SAMTOR: variants seen among roughly 807,000 people sequenced by gnomAD.
The protein encoded by SAMTOR is S-adenosylmethionine sensor upstream of mTORC1, also known as UPF0532 protein C7orf60.
chr7:112,854,914 C>T, the SAMTOR span, among the ~76,000 whole-genome samples: 3 of 152,146 alleles, frequency 2.0e-5, no homozygotes, highest in African/African-American at 7.2e-5. Flanking sequence ...AAGATCTTAG[C>T]TATGGCTTTT....
chr7:112,856,559 T>C, the SAMTOR span, among the ~76,000 whole-genome samples: 6 of 152,194 alleles, frequency 3.9e-5, no homozygotes, highest in East Asian at 9.6e-4. Flanking sequence ...AAGAAGCAAA[T>C]ACCAGCTTAG....
chr7:112,938,786 AG>A, the SAMTOR span, among the ~76,000 whole-genome samples: 1 of 152,344 alleles, frequency 6.6e-6, no homozygotes, highest in East Asian at 1.9e-4. Context: ...CTTCAGGCAC[AG>A]GCAAAAGCCA....
the SAMTOR span, among the ~76,000 whole-genome samples, chr7:112,854,580 T>C: frequency 6.6e-6 from 1 of 152,324 alleles, no homozygotes; most frequent in East Asian, 1.9e-4. Flanking sequence ...CTTTAGTCAA[T>C]AGGTCAATGA....
chr7:112,913,566 C>T, the SAMTOR span, among the ~76,000 whole-genome samples: 1 of 152,110 alleles, frequency 6.6e-6, no homozygotes, highest in Non-Finnish European at 1.5e-5. Context: ...TAATAAAATC[C>T]TGTCACTTCT....
chr7:112,868,387 T>G, the SAMTOR span, among the ~76,000 whole-genome samples: 1 of 152,160 alleles, frequency 6.6e-6, no homozygotes. Context: ...AAGCCAGCAA[T>G]CCTCGTGAAG....
the SAMTOR span, among the ~76,000 whole-genome samples, chr7:112,933,230 C>T: frequency 3.3e-5 from 5 of 152,178 alleles, no homozygotes; most frequent in Non-Finnish European, 5.9e-5. Flanking sequence ...ACAGCAAAGT[C>T]TCCACTTAAT....
chr7:112,910,974 C>A, the SAMTOR span, among the ~76,000 whole-genome samples: 1 of 152,104 alleles, frequency 6.6e-6, no homozygotes, highest in Admixed American at 6.5e-5. Context: ...CAGACAAGCA[C>A]AAGTCCTTCC....
chr7:112,907,005 T>TG, the SAMTOR span, among the ~76,000 whole-genome samples: 1 of 152,052 alleles, frequency 6.6e-6, no homozygotes, highest in African/African-American at 2.4e-5. Flanking sequence ...AAAGTACATG[T>TG]GGAAAAAAGC....
At chr7:112,922,910 C>A in the SAMTOR span, among the ~76,000 whole-genome samples, 2 of 149,250 alleles carry the variant, frequency 1.3e-5, no homozygotes, top group Non-Finnish European at 3.0e-5. Context: ...CCGGGCCAGC[C>A]GCCCCATCCG....
chr7:112,871,692 A>T, the SAMTOR span, among the ~76,000 whole-genome samples: 2 of 152,204 alleles, frequency 1.3e-5, no homozygotes, highest in African/African-American at 4.8e-5. Context: ...TCAAGAACAA[A>T]AAACCATACA....
At chr7:112,911,272 CT>C in the SAMTOR span, among the ~76,000 whole-genome samples, 1 of 152,102 alleles carries the variant, frequency 6.6e-6, no homozygotes, top group Non-Finnish European at 1.5e-5. Flanking sequence ...AAACATTAGG[CT>C]TATGTCCTGC....
At chr7:112,881,306 T>G in the SAMTOR span, among the ~76,000 whole-genome samples, 1 of 152,092 alleles carries the variant, frequency 6.6e-6, no homozygotes, top group Non-Finnish European at 1.5e-5. Flanking sequence ...ATAGCCTGGG[T>G]GCCATGGATG....
chr7:112,939,668 T>G, the SAMTOR span: 167 of 1,613,428 alleles, frequency 1.0e-4, no homozygotes, highest in Non-Finnish European at 1.2e-4. Flanking sequence ...CAGTTTCCGC[T>G]CCTGCTCCCG....
chr7:112,933,126 A>G, the SAMTOR span, among the ~76,000 whole-genome samples: 7 of 152,166 alleles, frequency 4.6e-5, no homozygotes, highest in African/African-American at 1.7e-4. Flanking sequence ...CATCTCTATT[A>G]TTTTTGTTAC....
chr7:112,892,603 T>TA, the SAMTOR span, among the ~76,000 whole-genome samples: 1 of 152,042 alleles, frequency 6.6e-6, no homozygotes, highest in Non-Finnish European at 1.5e-5. Context: ...ATTCTCTCTC[T>TA]ATAAAAAATT....
At chr7:112,927,253 T>G in the SAMTOR span, among the ~76,000 whole-genome samples, 1 of 151,968 alleles carries the variant, frequency 6.6e-6, no homozygotes, top group Admixed American at 6.6e-5. Flanking sequence ...ATATTAAAAC[T>G]CAATTTTAAG....
chr7:112,894,302 GATA>G, the SAMTOR span, among the ~76,000 whole-genome samples: 1 of 152,100 alleles, frequency 6.6e-6, no homozygotes, highest in Admixed American at 6.5e-5. Context: ...TTATATGGTT[GATA>G]ATAAGTTCAC....
chr7:112,861,763 C>G, the SAMTOR span, among the ~76,000 whole-genome samples: 1 of 152,114 alleles, frequency 6.6e-6, no homozygotes, highest in Non-Finnish European at 1.5e-5. Context: ...CTAAATAGTA[C>G]AGCCATTAGA....
the SAMTOR span, among the ~76,000 whole-genome samples, chr7:112,862,913 C>T: frequency 2.1e-5 from 3 of 145,858 alleles, no homozygotes; most frequent in Admixed American, 1.4e-4. Flanking sequence ...TGGGCGACAG[C>T]GTGAGACTCC....
Sources: allele counts gnomAD v4.1 joint callset (sites outside exome capture counted in the v4.1 genomes callset), GRCh38; gene constraint gnomAD v4.1.1; transcripts MANE v1.5; gene names NCBI Gene and HGNC (gene_info 2026-07-23, HGNC 2026-07-21).